RHBDL2: variants seen among roughly 807,000 people sequenced by gnomAD.
The protein encoded by RHBDL2 is rhomboid-related protein 2.
A neutral mutation model predicts 31.7 loss-of-function variants in RHBDL2; 26 were observed. The observed-to-expected ratio is 0.82, with a 90% CI of 0.60 to 1.14. RHBDL2 has a LOEUF of 1.14. Ranked by LOEUF, RHBDL2 falls within the 50% of genes most tolerant of loss-of-function variation. The pLI is 0.00. For missense variants in RHBDL2, 336 were observed against 364.4 expected (o/e 0.92, Z 0.63); for synonymous variants, 123 against 127.2 (o/e 0.97, Z 0.22).
intron 4 of RHBDL2, among the ~76,000 whole-genome samples, chr1:38,905,671 G>A (rs1643054940): frequency 6.7e-6 from 1 of 149,976 alleles, no homozygotes; most frequent in African/African-American, 2.4e-5. Context: ...AGAATTGCTT[G>A]AACCTGGGAG....
chr1:38,910,753 CTTTTTT>C (rs765064879), intron 4 of RHBDL2, among the ~76,000 whole-genome samples: 11 of 111,074 alleles, frequency 9.9e-5, no homozygotes, highest in African/African-American at 4.0e-4. Flanking sequence ...TATTCCTTTT[CTTTTTT>C]TTTTTTTTTT....
At chr1:38,910,394 A>G (rs190721165) in intron 4 of RHBDL2, among the ~76,000 whole-genome samples, 1 of 152,250 alleles carries the variant, frequency 6.6e-6, no homozygotes, top group Non-Finnish European at 1.5e-5. Context: ...TAACAACTGC[A>G]TGTAAATCTA....
Position 38,887,959 on chromosome 1 carries a change from TCA to T in RHBDL2, c.732+2_732+3del. On this transcript the variant is annotated splice_donor_variant and splice_donor_region_variant and intron_variant, in intron 7 of 7. Coordinates refer to ENST00000372990, the MANE Select transcript of RHBDL2 (RefSeq NM_017821.5). LOFTEE classifies it high-confidence loss of function. Reference sequence around the variant, plus strand: ...ATTTTATAAAAGAAAGAAACTGAACTCACCGGAGACCCATCTTCAGGAACAAA... The same window carrying T: ...ATTTTATAAAAGAAAGAAACTGAACTCCGGAGACCCATCTTCAGGAACAAA... 1.3e-6 allele frequency: 2 copies of T among 1,595,448 alleles called. No individual in the cohort carries two copies. Among genetic ancestry groups the T allele is most frequent in the South Asian group, 2.2e-5 (2 of 90,064 alleles).
chr1:38,910,874 G>C (rs1643130881), intron 4 of RHBDL2, among the ~76,000 whole-genome samples: 1 of 151,208 alleles, frequency 6.6e-6, no homozygotes, highest in Admixed American at 6.6e-5. Flanking sequence ...CGCCCCCTAG[G>C]TTCAAGTGAT....
chr1:38,897,814 T>G (rs890386635), intron 4 of RHBDL2, among the ~76,000 whole-genome samples: 1 of 152,144 alleles, frequency 6.6e-6, no homozygotes, highest in East Asian at 1.9e-4. Context: ...AACAGGTATA[T>G]GGATGACTGA....
At chr1:38,940,560 G>T (rs1352747125) in intron 1 of RHBDL2, among the ~76,000 whole-genome samples, 2 of 152,102 alleles carry the variant, frequency 1.3e-5, no homozygotes. Context: ...CTGCCTACGT[G>T]CTTTCAAGGC....
chr1:38,905,586 C>CA (rs1214111436), intron 4 of RHBDL2, among the ~76,000 whole-genome samples: 3 of 100,190 alleles, frequency 3.0e-5, no homozygotes, highest in Non-Finnish European at 5.2e-5. Context: ...CCTGTCTCTA[C>CA]AGGAAAAAAA....
intron 6 of RHBDL2, among the ~76,000 whole-genome samples, chr1:38,890,939 T>C (rs1488469067): frequency 6.6e-6 from 1 of 152,048 alleles, no homozygotes; most frequent in Non-Finnish European, 1.5e-5. Context: ...TGAAGGAATG[T>C]TTTTTAGGGC....
intron 2 of RHBDL2, among the ~76,000 whole-genome samples, chr1:38,916,710 CAA>C (rs71057163): frequency 8.2e-5 from 12 of 145,722 alleles, no homozygotes; most frequent in East Asian, 6.3e-4. Context: ...AACAAACAAA[CAA>C]AAAAAAAAAC....
At chr1:38,901,815 G>C (rs977397354) in intron 4 of RHBDL2, among the ~76,000 whole-genome samples, 1 of 151,076 alleles carries the variant, frequency 6.6e-6, no homozygotes, top group African/African-American at 2.4e-5. Context: ...CTGGGTGACA[G>C]AGCGAGACTC....
intron 4 of RHBDL2, among the ~76,000 whole-genome samples, chr1:38,904,028 A>C (rs762506481): frequency 1.2e-4 from 18 of 152,230 alleles, no homozygotes; most frequent in Non-Finnish European, 5.9e-5. Context: ...TAGAACAGAC[A>C]TCCATATGCA....
chr1:38,892,229 C>CTA (rs1642864164), intron 6 of RHBDL2, among the ~76,000 whole-genome samples: 1 of 152,156 alleles, frequency 6.6e-6, no homozygotes, highest in Non-Finnish European at 1.5e-5. Context: ...CAACTATCAG[C>CTA]TATCACTCAA....
intron 1 of RHBDL2, among the ~76,000 whole-genome samples, chr1:38,919,647 T>C: frequency 6.6e-6 from 1 of 151,984 alleles, no homozygotes. Flanking sequence ...CTTGCTCTTC[T>C]GCCCAGGCTG....
At chr1:38,932,297 A>G (rs1257067892) in intron 1 of RHBDL2, among the ~76,000 whole-genome samples, 1 of 152,172 alleles carries the variant, frequency 6.6e-6, no homozygotes, top group African/African-American at 2.4e-5. Context: ...TGCCAGACCT[A>G]TGAATGGAAC....
At chr1:38,893,262 A>G (rs1266631540) in intron 5 of RHBDL2, 38 bp from the exon 6 acceptor site, 1 of 999,570 alleles carries the variant, frequency 1.0e-6, no homozygotes, top group Non-Finnish European at 1.6e-6. Flanking sequence ...TAAGCTATCT[A>G]TGGACAAATG....
intron 1 of RHBDL2, chr1:38,925,806 T>C (rs1039099795): frequency 6.6e-6 from 2 of 303,684 alleles, no homozygotes; most frequent in Non-Finnish European, 1.1e-5. Flanking sequence ...GAAACAAATA[T>C]TTTAATCACT....
chr1:38,895,186 A>G (rs190333422), intron 5 of RHBDL2, among the ~76,000 whole-genome samples: 4 of 152,356 alleles, frequency 2.6e-5, no homozygotes, highest in East Asian at 1.9e-4. Context: ...GCTCTATGAT[A>G]AAATGCAGAA....
intron 1 of RHBDL2, chr1:38,925,997 T>C: frequency 7.9e-7 from 1 of 1,272,524 alleles, no homozygotes; most frequent in Non-Finnish European, 1.0e-6. Flanking sequence ...AGACTTCCAG[T>C]GGATTCTTTG....
At chr1:38,888,176 T>C in intron 6 of RHBDL2, 152 bp from the exon 7 acceptor site, 4 of 595,746 alleles carry the variant, frequency 6.7e-6, no homozygotes, top group Non-Finnish European at 9.0e-6. Context: ...TTTAACTCAT[T>C]AATCTTCATC....
Sources: allele counts gnomAD v4.1 joint callset (sites outside exome capture counted in the v4.1 genomes callset), GRCh38; gene constraint gnomAD v4.1.1; transcripts MANE v1.5; gene names NCBI Gene and HGNC (gene_info 2026-07-23, HGNC 2026-07-21).